GPRIN3: variants seen among roughly 807,000 people sequenced by gnomAD.
The protein encoded by GPRIN3 is G protein-regulated inducer of neurite outgrowth 3.
GPRIN3 carries 12 observed loss-of-function variants against 13.7 expected under a neutral mutation model. The ratio of observed to expected loss-of-function variants is 0.87; its 90% CI spans 0.56 to 1.42. The LOEUF (loss-of-function observed/expected upper bound fraction) is 1.42. GPRIN3 is among the 40% of genes most tolerant of loss of function. The pLI, the probability that GPRIN3 is intolerant of heterozygous loss-of-function variation, is 0.00. For missense variants in GPRIN3, 1,009 were observed against 958.7 expected (o/e 1.05, Z -0.69); for synonymous variants, 377 against 372.7 (o/e 1.01, Z -0.13).
At chr4:89,254,546 A>C (rs2149260027) in intron 1 of GPRIN3, among the ~76,000 whole-genome samples, 1 of 152,298 alleles carries the variant, frequency 6.6e-6, no homozygotes, top group African/African-American at 2.4e-5. Context: ...TTTCTGCAAA[A>C]GACATGATCT....
At position 89,268,269 on chromosome 4, in the gene GPRIN3, T is replaced by C. The variant is rs570260708; in HGVS notation, c.-123-18036A>G. Reference sequence around the variant, plus strand: ...ATAGGAAAGAATCCATCAATGTTGTTAGTAAGAATACAAAGAGAAAAGAGA... The same window carrying C: ...ATAGGAAAGAATCCATCAATGTTGTCAGTAAGAATACAAAGAGAAAAGAGA... On this transcript the variant is annotated intron_variant, in intron 1 of 1. Coordinates refer to ENST00000609438, the MANE Select transcript of GPRIN3 (RefSeq NM_198281.3). Among the ~76,000 whole-genome samples, 37 of 152,318 alleles carry C rather than the reference T, an allele frequency of 2.4e-4. 2 individuals carry two copies. The South Asian group carries it at 6.8e-3, about 28-fold the overall frequency.
At position 89,246,653 on chromosome 4, in the gene GPRIN3, A is replaced by G. The variant is rs1381262423; in HGVS notation, c.*1127T>C. 2.0e-5 allele frequency: 3 copies of G among 152,328 alleles called. No homozygotes were observed. Among genetic ancestry groups the G allele is most frequent in the South Asian group, 4.1e-4 (2 of 4,830 alleles). The allele number at this position is 152,328 out of a possible 1,614,324, so 9.4% of individuals were successfully genotyped here. A position where few individuals can be genotyped will look rare whatever the true frequency, so the allele number is the denominator to read the frequency against. ...GCATATATATTTAAGCAATTAGATG[A>G]TAGTAGTCTATGTACAAAAATTGTA... On this transcript the variant is annotated 3_prime_UTR_variant, in exon 2 of 2. Coordinates refer to ENST00000609438, the MANE Select transcript of GPRIN3 (RefSeq NM_198281.3).
intron 1 of GPRIN3, among the ~76,000 whole-genome samples, chr4:89,255,162 C>T (rs561370455): frequency 6.6e-6 from 1 of 152,094 alleles, no homozygotes; most frequent in Admixed American, 6.5e-5. Flanking sequence ...AACATGGACT[C>T]TGGGGCAGAC....
At position 89,275,998 on chromosome 4, in the gene GPRIN3, G is replaced by A. The variant is rs1261744878; in HGVS notation, c.-123-25765C>T. On this transcript the variant is annotated intron_variant, in intron 1 of 1. Transcript: ENST00000609438. Reference sequence around the variant, plus strand: ...ATTTAATTTCAAGGAAAAGTTCTGCGAGTTTTACCTGCCTCAAGAGAACTG... The same window carrying A: ...ATTTAATTTCAAGGAAAAGTTCTGCAAGTTTTACCTGCCTCAAGAGAACTG... 5.3e-5 allele frequency among the ~76,000 whole-genome samples: 8 copies of A among 152,248 alleles called. No individual in the cohort carries two copies. In the South Asian group the frequency reaches 1.5e-3, roughly 28 times the overall value.
chr4:89,286,721 T>C (rs948096932), intron 1 of GPRIN3, among the ~76,000 whole-genome samples: 33 of 152,176 alleles, frequency 2.2e-4, no homozygotes, highest in Admixed American at 5.2e-4. Flanking sequence ...TCCCATTACA[T>C]TGAAGACACC....
At chr4:89,260,777 G>A (rs543651248) in intron 1 of GPRIN3, among the ~76,000 whole-genome samples, 31 of 152,108 alleles carry the variant, frequency 2.0e-4, no homozygotes, top group Non-Finnish European at 1.6e-4. Flanking sequence ...TAAGAGAAAG[G>A]TGAATCAAGT....
chr4:89,263,374 G>A (rs1025373576), intron 1 of GPRIN3, among the ~76,000 whole-genome samples: 4 of 152,144 alleles, frequency 2.6e-5, no homozygotes, highest in Admixed American at 6.5e-5. Context: ...GGGGGTCCCC[G>A]GAGAATCTCC....
At chr4:89,263,446 T>A (rs987902354) in intron 1 of GPRIN3, among the ~76,000 whole-genome samples, 1 of 152,228 alleles carries the variant, frequency 6.6e-6, no homozygotes, top group Non-Finnish European at 1.5e-5. Flanking sequence ...TCTGCACCAT[T>A]TGCTGCAGGG....
Position 89,240,876 on chromosome 4 carries a change from T to A in GPRIN3, c.*6904A>T, listed in dbSNP as rs982043096. On this transcript the variant is annotated 3_prime_UTR_variant, in exon 2 of 2. Transcript: ENST00000609438. The stretch of plus-strand genomic sequence containing the variant: ...TGTGGATAAGCTATTTACATTTTTA[T>A]GTGTAGAAAATGAAAAATATATATT... 2 of 152,250 alleles carry A rather than the reference T, an allele frequency of 1.3e-5. No individual in the cohort carries two copies. The highest frequency in any genetic ancestry group is 4.8e-5 in the African/African-American group (2 of 41,472). The allele number at this position is 152,250 out of a possible 1,614,324, so 9.4% of individuals were successfully genotyped here.
chr4:89,257,535 G>A (rs1723500553), intron 1 of GPRIN3, among the ~76,000 whole-genome samples: 1 of 152,146 alleles, frequency 6.6e-6, no homozygotes, highest in South Asian at 2.1e-4. Flanking sequence ...CCTTAGAACA[G>A]CTCTATAAGG....
intron 1 of GPRIN3, among the ~76,000 whole-genome samples, chr4:89,252,066 A>G (rs1723344767): frequency 6.6e-6 from 1 of 151,432 alleles, no homozygotes. Context: ...TCGACCTCCC[A>G]GGCTCAAGCT....
Position 89,249,126 on chromosome 4 carries a change from C to G in GPRIN3, c.985G>C (p.Glu329Gln), listed in dbSNP as rs760016832. The G allele has an allele frequency of 1.2e-5, 20 of 1,614,084 alleles. No homozygotes were observed. Among genetic ancestry groups the G allele is most frequent in the Non-Finnish European group, 1.5e-5 (18 of 1,180,042 alleles). ...DAEVQAVASV[E>Q]SRSVSTSPSI... Reference sequence around the variant, plus strand: ...GGGCTGGTGGAGACGGATCTGCTCTCGACACTCGCCACTGCCTGCACCTCC... The same window carrying G: ...GGGCTGGTGGAGACGGATCTGCTCTGGACACTCGCCACTGCCTGCACCTCC... The change falls in exon 2 of 2, where the codon GAG (glutamate) becomes CAG (glutamine). Residue 329 changes from glutamate to glutamine, a missense_variant. Coordinates refer to ENST00000609438, the MANE Select transcript of GPRIN3 (RefSeq NM_198281.3).
At chr4:89,306,646 T>A (rs1438320344) in intron 1 of GPRIN3, among the ~76,000 whole-genome samples, 4 of 152,210 alleles carry the variant, frequency 2.6e-5, no homozygotes, top group Non-Finnish European at 5.9e-5. Context: ...CTTGAGTGAC[T>A]GCTCAGAGCT....
chr4:89,247,667 G>C lies in GPRIN3; in HGVS notation c.*113C>G. 1 of 1,069,302 alleles carries C rather than the reference G, an allele frequency of 9.4e-7. No homozygotes were observed. The highest frequency in any genetic ancestry group is 2.5e-5 in the Admixed American group (1 of 40,632). 66.2% of individuals were successfully genotyped at this position (1,069,302 alleles called of 1,614,324 possible). On this transcript the variant is annotated 3_prime_UTR_variant, in exon 2 of 2. Coordinates refer to ENST00000609438, the MANE Select transcript of GPRIN3 (RefSeq NM_198281.3). ...ATTTTTAATAGCAATTTCCTATAGT[G>C]AATACTTGCTTTTTCTTCCTAGTCT...
chr4:89,305,639 C>T (rs1204957657), intron 1 of GPRIN3, among the ~76,000 whole-genome samples: 2 of 152,174 alleles, frequency 1.3e-5, no homozygotes. Context: ...TCCGTGTTTC[C>T]TGCAAGCTGC....
At chr4:89,297,651 C>G (rs1299492765) in intron 1 of GPRIN3, among the ~76,000 whole-genome samples, 1 of 152,208 alleles carries the variant, frequency 6.6e-6, no homozygotes. Context: ...ACCACTTAAA[C>G]TTCCAAGGTT....
chr4:89,304,229 A>G (rs555329082), intron 1 of GPRIN3, among the ~76,000 whole-genome samples: 1 of 152,332 alleles, frequency 6.6e-6, no homozygotes, highest in East Asian at 1.9e-4. Flanking sequence ...TATTCAGAAT[A>G]TTGCGGAAAA....
In GPRIN3 at chr4:89,248,824, A is replaced by G; in HGVS notation, c.1287T>C (p.Asn429=). Reference sequence around the variant, plus strand: ...CATCTTCTTTACACGTATGCTGGGCATTACTGGAGACCAAATTGATTGATG... The same window carrying G: ...CATCTTCTTTACACGTATGCTGGGCGTTACTGGAGACCAAATTGATTGATG... ...KTSSINLVSS[N]AQHTCKEDGR... is the part of the protein sequence containing the mutation. Residue 429 remains asparagine (N), a synonymous_variant, in exon 2 of 2, where the codon AAT becomes AAC. Coordinates refer to ENST00000609438, the MANE Select transcript of GPRIN3 (RefSeq NM_198281.3). The G allele has an allele frequency of 6.2e-7, 1 of 1,614,148 alleles. No homozygotes were observed. The highest frequency in any genetic ancestry group is 8.5e-7 in the Non-Finnish European group (1 of 1,180,000).
rs1388556501 is a variant in GPRIN3, at chr4:89,241,662, C to A, written c.*6118G>T. On this transcript the variant is annotated 3_prime_UTR_variant, in exon 2 of 2. Coordinates refer to ENST00000609438, the MANE Select transcript of GPRIN3 (RefSeq NM_198281.3). ...GAGTATGACTATAATACTGCAATCT[C>A]CTGATATACCAGCATCATTTTAAGA... 6.6e-6 allele frequency: 1 copy of A among 152,104 alleles called. No homozygotes were observed. Among genetic ancestry groups the A allele is most frequent in the African/African-American group, 2.4e-5 (1 of 41,434 alleles). The allele number at this position is 152,104 out of a possible 1,614,324, so 9.4% of individuals were successfully genotyped here. A position where few individuals can be genotyped will look rare whatever the true frequency, so the allele number is the denominator to read the frequency against.
Sources: allele counts gnomAD v4.1 joint callset (sites outside exome capture counted in the v4.1 genomes callset), GRCh38; gene constraint gnomAD v4.1.1; transcripts MANE v1.5; gene names NCBI Gene and HGNC (gene_info 2026-07-23, HGNC 2026-07-21).